Variants in PHEX observed in about 807,000 individuals in gnomAD.
The protein encoded by PHEX is phosphate regulating endopeptidase X-linked, also known as phosphate-regulating neutral endopeptidase PHEX.
Under a neutral mutation model 68.0 loss-of-function variants are expected in PHEX, and 16 were observed. That is an observed-to-expected ratio of 0.24 (90% CI 0.16 to 0.36). PHEX has a LOEUF of 0.36. Ranked by LOEUF, PHEX falls within the 10% of genes least tolerant of loss-of-function variation. The probability of loss-of-function intolerance (pLI) is 1.00; values close to 1 mark genes in which losing one functional copy is unlikely to be tolerated. For synonymous variants in PHEX, 208 were observed against 205.1 expected (o/e 1.01, Z -0.12); for missense variants, 480 against 575.5 (o/e 0.83, Z 1.70).
chrX:22,209,824 C>T (rs1307545425), intron 15 of PHEX, among the ~76,000 whole-genome samples: 2 of 105,678 alleles, frequency 1.9e-5, no homozygotes, highest in Non-Finnish European at 3.9e-5. Flanking sequence ...CTCCCTCTGT[C>T]TCCTCCCCCA....
Position 22,248,193 on chromosome X carries a change from T to C in PHEX, c.*240T>C. The C allele has an allele frequency of 2.5e-6, 1 of 400,454 alleles. No individual in the cohort carries two copies. The allele number at this position is 400,454 out of a possible 1,213,427, so 33.0% of individuals were successfully genotyped here. The stretch of plus-strand genomic sequence containing the variant: ...AGAAAATCAAACCAACAAAAATAAA[T>C]CCCTAGGCTACTTTTGTTAAAATGC... On this transcript the variant is annotated 3_prime_UTR_variant, in exon 22 of 22. Coordinates refer to ENST00000379374, the MANE Select transcript of PHEX (RefSeq NM_000444.6).
In PHEX at chrX:22,079,347, G is replaced by T. The variant is rs192472544; in HGVS notation, c.663+1645G>T. ...AAACTCCCATGTATCCATCAACCCA[G>T]CTTCAACAACTCTCAACCTTCTGAT... is the stretch of plus-strand genomic sequence containing the variant. On this transcript the variant is annotated intron_variant, in intron 5 of 21. Transcript: ENST00000379374. 9.9e-3 allele frequency among the ~76,000 whole-genome samples: 1,109 copies of T among 111,850 alleles called. 4 individuals are homozygous for T. The highest frequency in any genetic ancestry group is 0.017 in the Non-Finnish European group (891 of 53,109).
intron 2 of PHEX, among the ~76,000 whole-genome samples, chrX:22,045,485 A>G (rs1348330542): frequency 8.9e-6 from 1 of 112,257 alleles, no homozygotes; most frequent in East Asian, 2.8e-4. Flanking sequence ...TTGGAGTTCA[A>G]TATTGGGAAT....
intron 20 of PHEX, among the ~76,000 whole-genome samples, chrX:22,233,352 G>T (rs1240256443): frequency 1.8e-5 from 2 of 111,247 alleles, no homozygotes; most frequent in African/African-American, 3.3e-5. Flanking sequence ...TTGACTGTGG[G>T]CCTGTCTTGC....
At chrX:22,147,486 C>T (rs905293475) in intron 12 of PHEX, among the ~76,000 whole-genome samples, 7 of 110,269 alleles carry the variant, frequency 6.3e-5, no homozygotes, top group African/African-American at 2.3e-4. Context: ...ACCCCAGGGC[C>T]GGACAGGCAG....
In PHEX at chrX:22,095,835, T is replaced by C. The variant is rs184276550; in HGVS notation, c.850-1120T>C. Among the ~76,000 whole-genome samples, 42 of 112,514 alleles carry C rather than the reference T, an allele frequency of 3.7e-4. 2 individuals are homozygous for C. In the Admixed American group the frequency reaches 3.9e-3, roughly 11 times the overall value. ...TTAAAATTAGTGGGATACATAGTCC[T>C]ATGGAAACTTCTGAAGCTGGGAAGA... On this transcript the variant is annotated intron_variant, in intron 7 of 21. Transcript: ENST00000379374.
chrX:22,238,068 G>GGAGT (rs1192614091), intron 20 of PHEX, among the ~76,000 whole-genome samples: 3 of 111,758 alleles, frequency 2.7e-5, no homozygotes, highest in African/African-American at 9.8e-5. Flanking sequence ...CCTGAGGTGA[G>GGAGT]GAGTTAGTTA....
chrX:22,163,732 T>C (rs1225080655), intron 12 of PHEX, among the ~76,000 whole-genome samples: 1 of 112,044 alleles, frequency 8.9e-6, no homozygotes, highest in East Asian at 2.8e-4. Context: ...ATGTAACCAA[T>C]AGGGTAATTA....
intron 14 of PHEX, among the ~76,000 whole-genome samples, chrX:22,186,359 T>C (rs1934034116): frequency 8.9e-6 from 1 of 112,191 alleles, no homozygotes; most frequent in Non-Finnish European, 1.9e-5. Flanking sequence ...TATTATTCTT[T>C]AGAAGTGAGT....
At chrX:22,226,719 A>G (rs1405436611) in intron 19 of PHEX, among the ~76,000 whole-genome samples, 1 of 111,837 alleles carries the variant, frequency 8.9e-6, no homozygotes, top group Non-Finnish European at 1.9e-5. Context: ...AGTCACCCTA[A>G]AGAATAATAT....
intron 11 of PHEX, among the ~76,000 whole-genome samples, chrX:22,117,295 G>A (rs946263950): frequency 1.8e-5 from 2 of 111,383 alleles, no homozygotes; most frequent in African/African-American, 6.5e-5. Context: ...TCTCGTTATT[G>A]GGCCGTGAGA....
At chrX:22,145,760 A>G (rs1457000829) in intron 12 of PHEX, among the ~76,000 whole-genome samples, 1 of 111,877 alleles carries the variant, frequency 8.9e-6, no homozygotes, top group African/African-American at 3.2e-5. Flanking sequence ...TTCAAATTCT[A>G]TCATTCTTTT....
At position 22,231,272 on chromosome X, in the gene PHEX, C is replaced by A. The variant is rs1039310419; in HGVS notation, c.2070+3661C>A. ...CTCTGCCAGGTTTTGGTATCAGGAT[C>A]ATGCTGGCCTCATAAAATGAGTTAG... On this transcript the variant is annotated intron_variant, in intron 20 of 21. Coordinates refer to ENST00000379374, the MANE Select transcript of PHEX (RefSeq NM_000444.6). Among the ~76,000 whole-genome samples the A allele has an allele frequency of 6.3e-5, 7 of 111,681 alleles. No homozygotes were observed. In the Admixed American group the frequency reaches 6.6e-4, roughly 11 times the overall value.
At chrX:22,174,650 A>G (rs16981823) in intron 13 of PHEX, among the ~76,000 whole-genome samples, 3,835 of 111,678 alleles carry the variant, frequency 0.034, 168 homozygotes, top group African/African-American at 0.12. Context: ...AACTAGAGAA[A>G]ACGCACTCAT....
rs1931015475 is a variant in PHEX at position 22,112,427 on chromosome X, GT to G, written c.1173+872del. Among the ~76,000 whole-genome samples, 5 of 112,003 alleles carry G rather than the reference GT, an allele frequency of 4.5e-5. No homozygotes were observed. The South Asian group carries it at 1.8e-3, about 41-fold the overall frequency. On this transcript the variant is annotated intron_variant, in intron 10 of 21. Coordinates refer to ENST00000379374, the MANE Select transcript of PHEX (RefSeq NM_000444.6). Reference sequence around the variant, plus strand: ...GTAAGGATTTTGTATCTTTGAAACAGTTTTTATTTTTCTATCAATTTAAAGT... The same window carrying G: ...GTAAGGATTTTGTATCTTTGAAACAGTTTTATTTTTCTATCAATTTAAAGT...
At chrX:22,138,215 G>C (rs1327939403) in intron 12 of PHEX, among the ~76,000 whole-genome samples, 2 of 112,850 alleles carry the variant, frequency 1.8e-5, no homozygotes, top group Non-Finnish European at 3.7e-5. Flanking sequence ...CGCTTTCCCA[G>C]TGCTTCCTTG....
intron 6 of PHEX, among the ~76,000 whole-genome samples, chrX:22,091,264 C>G (rs771157572): frequency 9.0e-6 from 1 of 111,568 alleles, no homozygotes; most frequent in South Asian, 3.8e-4. Flanking sequence ...AGAGGGTTGG[C>G]AAGTTTTCCT....
intron 2 of PHEX, among the ~76,000 whole-genome samples, chrX:22,041,090 C>T (rs1298933082): frequency 6.5e-5 from 7 of 107,820 alleles, no homozygotes; most frequent in African/African-American, 1.4e-4. Flanking sequence ...TTGTGGGTGA[C>T]GCTTAGATTT....
intron 16 of PHEX, among the ~76,000 whole-genome samples, chrX:22,216,499 A>T (rs7060935): frequency 1.1e-3 from 55 of 49,991 alleles, no homozygotes; most frequent in African/African-American, 2.8e-3. Flanking sequence ...ATGCTTATTT[A>T]TTTATTTATT....
Sources: gnomAD v4.1 joint callset for allele counts (sites outside exome capture counted in the v4.1 genomes callset) on GRCh38, gnomAD v4.1.1 for gene constraint, MANE v1.5 for transcripts, NCBI Gene and HGNC (gene_info 2026-07-23, HGNC 2026-07-21) for gene names.